Variants in CYP46A1 observed in about 807,000 individuals in gnomAD.
CYP46A1 encodes the protein cytochrome P450 family 46 subfamily A member 1.
A neutral mutation model predicts 63.3 loss-of-function variants in CYP46A1; 20 were observed. That is an observed-to-expected ratio of 0.32 (90% CI 0.22 to 0.46). The LOEUF (loss-of-function observed/expected upper bound fraction) is 0.46, where lower values mean the gene tolerates loss of function less well. Among genes scored for constraint, CYP46A1 ranks in the 20% least tolerant of loss-of-function variants. The probability of loss-of-function intolerance (pLI) is 1.00; values close to 1 mark genes in which losing one functional copy is unlikely to be tolerated. For synonymous variants in CYP46A1, 268 were observed against 273.6 expected (o/e 0.98, Z 0.20); for missense variants, 445 against 670.8 (o/e 0.66, Z 3.72).
rs750379134 is a variant in CYP46A1 at position 99,726,613 on chromosome 14, G to A, written c.1389G>A (p.Val463=). Residue 463 remains valine, a synonymous_variant, in exon 15 of 15, where the codon GTG becomes GTA. Transcript: ENST00000261835. ...KLLQRLEFRL[V]PGQRFGLQEQ... ...TGCAGAGGCTGGAGTTCCGGCTGGTGCCCGGGCAGCGCTTCGGGCTGCAGG... is the reference window on the plus strand; with the variant it reads ...TGCAGAGGCTGGAGTTCCGGCTGGTACCCGGGCAGCGCTTCGGGCTGCAGG... 6.3e-7 allele frequency: 1 copy of A among 1,577,836 alleles called. No homozygotes were observed. Among genetic ancestry groups the A allele is most frequent in the East Asian group, 2.3e-5 (1 of 43,034 alleles).
intron 5 of CYP46A1, among the ~76,000 whole-genome samples, chr14:99,703,280 A>G (rs1951576): frequency 0.3 from 46,269 of 151,968 alleles, 7,592 homozygotes; most frequent in South Asian, 0.39. Flanking sequence ...ATCTGTGGAG[A>G]ACTGTATAAA....
chr14:99,707,520 C>CT, intron 6 of CYP46A1, 48 bp from the exon 7 acceptor site: 1 of 1,516,666 alleles, frequency 6.6e-7, no homozygotes, highest in Non-Finnish European at 9.1e-7. Context: ...CCTGGATCTG[C>CT]TGCCCTTCTG....
At chr14:99,685,719 A>G (rs557808676) in intron 1 of CYP46A1, among the ~76,000 whole-genome samples, 94 of 152,040 alleles carry the variant, frequency 6.2e-4, no homozygotes, top group African/African-American at 2.2e-3. Flanking sequence ...CTGGCGTTAG[A>G]AGCCTGAATC....
rs2056544302 is a variant in CYP46A1 at position 99,691,655 on chromosome 14, C to T, written c.201-125C>T. ...AGGGCTCCTGGGCCCCAGGACAGCA[C>T]TCTTTTGGTAGCATGCATTGAGCAC... On this transcript the variant is annotated intron_variant, in intron 2 of 14. Transcript: ENST00000261835. The T allele has an allele frequency of 6.9e-6, 6 of 872,864 alleles. 1 individual carries two copies. Among genetic ancestry groups the T allele is most frequent in the South Asian group, 3.1e-5 (2 of 65,378 alleles). 54.1% of individuals were successfully genotyped at this position (872,864 alleles called of 1,614,324 possible).
intron 3 of CYP46A1, among the ~76,000 whole-genome samples, chr14:99,698,261 A>T (rs1282048340): frequency 6.6e-6 from 1 of 151,820 alleles, no homozygotes; most frequent in East Asian, 2.0e-4. Flanking sequence ...GTTCCCCCTC[A>T]TGTACCTCTG....
chr14:99,695,112 T>C (rs2056575967), intron 3 of CYP46A1, among the ~76,000 whole-genome samples: 1 of 152,236 alleles, frequency 6.6e-6, no homozygotes, highest in African/African-American at 2.4e-5. Context: ...TATCTTTCTG[T>C]TATTGATTTC....
intron 11 of CYP46A1, 134 bp from the exon 12 acceptor site, chr14:99,721,822 G>A (rs2056849294): frequency 6.3e-6 from 4 of 630,062 alleles, no homozygotes; most frequent in South Asian, 3.9e-5. Flanking sequence ...CCAGGGGCCT[G>A]GGACCCAGGC....
intron 3 of CYP46A1, among the ~76,000 whole-genome samples, chr14:99,694,586 G>A (rs972773597): frequency 2.7e-5 from 4 of 150,368 alleles, no homozygotes; most frequent in African/African-American, 9.8e-5. Flanking sequence ...TGCAACCTCT[G>A]CCTCCCAGGT....
intron 9 of CYP46A1, among the ~76,000 whole-genome samples, chr14:99,716,803 G>A (rs2056794597): frequency 6.6e-6 from 1 of 152,220 alleles, no homozygotes; most frequent in Non-Finnish European, 1.5e-5. Flanking sequence ...CTGTTCTCCT[G>A]GGGCCCAGTG....
At chr14:99,716,063 A>T (rs771491555) in intron 8 of CYP46A1, 74 bp from the exon 9 acceptor site, 2 of 1,607,920 alleles carry the variant, frequency 1.2e-6, no homozygotes, top group Non-Finnish European at 1.7e-6. Context: ...GGAGAAACAC[A>T]GTTAGTTATT....
chr14:99,686,652 T>C (rs2056496907), intron 1 of CYP46A1, among the ~76,000 whole-genome samples: 1 of 152,218 alleles, frequency 6.6e-6, no homozygotes, highest in Admixed American at 6.5e-5. Context: ...GTTTCAAAAG[T>C]TCATTCATGT....
intron 7 of CYP46A1, among the ~76,000 whole-genome samples, chr14:99,714,760 C>CAAAA (rs35534717): frequency 9.8e-6 from 1 of 102,192 alleles, no homozygotes; most frequent in Non-Finnish European, 2.0e-5. Context: ...AACCCCATCT[C>CAAAA]AAAAAAAAAA....
At chr14:99,706,928 T>A in intron 6 of CYP46A1, 143 bp downstream of exon 6, 1 of 1,111,064 alleles carries the variant, frequency 9.0e-7, no homozygotes, top group East Asian at 2.6e-5. Flanking sequence ...ATATTCTGTA[T>A]ACATTCTGTC....
chr14:99,715,116 A>T (rs2056776332), intron 7 of CYP46A1, among the ~76,000 whole-genome samples: 1 of 152,228 alleles, frequency 6.6e-6, no homozygotes. Flanking sequence ...ACAGCAAGGT[A>T]TTGTATATTT....
chr14:99,710,549 A>C (rs1011294455), intron 7 of CYP46A1: 1 of 152,212 alleles, frequency 6.6e-6, no homozygotes, highest in African/African-American at 2.4e-5. Context: ...CAAATAAAAC[A>C]GACTTTAAGT....
At chr14:99,702,128 T>TGCTG (rs989916469) in intron 5 of CYP46A1, among the ~76,000 whole-genome samples, 2 of 151,250 alleles carry the variant, frequency 1.3e-5, no homozygotes, top group African/African-American at 4.9e-5. Flanking sequence ...TTCCCCTACC[T>TGCTG]GCTGGCAACC....
intron 3 of CYP46A1, chr14:99,695,604 T>TTTATTATTA (rs3070460): frequency 0.22 from 31,548 of 142,606 alleles, 3,851 homozygotes; most frequent in Non-Finnish European, 0.27. Flanking sequence ...CCATTCCAGC[T>TTTATTATTA]TTATTATTAT....
At chr14:99,699,205 T>A (rs1255330690) in intron 3 of CYP46A1, among the ~76,000 whole-genome samples, 1 of 152,018 alleles carries the variant, frequency 6.6e-6, no homozygotes, top group African/African-American at 2.4e-5. Flanking sequence ...AGTGTGACAT[T>A]GGAGTGAGCA....
chr14:99,686,912 T>C (rs1042783688), intron 1 of CYP46A1, among the ~76,000 whole-genome samples: 1 of 152,224 alleles, frequency 6.6e-6, no homozygotes, highest in Non-Finnish European at 1.5e-5. Context: ...TGGAAACTCT[T>C]CTAGCAGAAA....
Sources: gnomAD v4.1 joint callset for allele counts (sites outside exome capture counted in the v4.1 genomes callset) on GRCh38, gnomAD v4.1.1 for gene constraint, MANE v1.5 for transcripts, NCBI Gene and HGNC (gene_info 2026-07-23, HGNC 2026-07-21) for gene names.